Variants in EFNA5 observed in about 807,000 individuals in gnomAD.
EFNA5 encodes the protein ephrin A5.
A neutral mutation model predicts 22.9 loss-of-function variants in EFNA5; 5 were observed. The ratio of observed to expected loss-of-function variants is 0.22; its 90% CI spans 0.11 to 0.46. The LOEUF is 0.46. Among genes scored for constraint, EFNA5 ranks in the 20% least tolerant of loss-of-function variants. The pLI is 0.99. For synonymous variants in EFNA5, 113 were observed against 112.2 expected (o/e 1.01, Z -0.04); for missense variants, 237 against 293.3 (o/e 0.81, Z 1.40).
At chr5:107,468,818 G>C (rs1750062186) in intron 1 of EFNA5, among the ~76,000 whole-genome samples, 1 of 152,114 alleles carries the variant, frequency 6.6e-6, no homozygotes, top group African/African-American at 2.4e-5. Flanking sequence ...GGCCATACAG[G>C]TTATTTGGCA....
intron 1 of EFNA5, among the ~76,000 whole-genome samples, chr5:107,561,098 A>G (rs1288604437): frequency 6.6e-6 from 1 of 152,158 alleles, no homozygotes; most frequent in Non-Finnish European, 1.5e-5. Context: ...AGGTTCCCCA[A>G]ACTCTACCTC....
chr5:107,410,842 G>C (rs1408471240), intron 2 of EFNA5, among the ~76,000 whole-genome samples: 4 of 152,098 alleles, frequency 2.6e-5, no homozygotes, highest in African/African-American at 9.7e-5. Flanking sequence ...GATTAGAGTT[G>C]GGCAGTGGCA....
rs1200722286 is a variant in EFNA5 at position 107,559,310 on chromosome 5, CTT to C, written c.125+111177_125+111178del. Among the ~76,000 whole-genome samples the C allele has an allele frequency of 4.6e-5, 7 of 152,314 alleles. No individual in the cohort carries two copies. In the East Asian group the frequency reaches 1.3e-3, roughly 29 times the overall value. On this transcript the variant is annotated intron_variant, in intron 1 of 4. Coordinates refer to ENST00000333274, the MANE Select transcript of EFNA5 (RefSeq NM_001962.3). ...TATTTTCTGATCATTCGTTGTGACT[CTT>C]CTTCTTAAACCATCATTTGACTCTT... is the stretch of plus-strand genomic sequence containing the variant.
At chr5:107,629,867 G>A (rs1459738938) in intron 1 of EFNA5, among the ~76,000 whole-genome samples, 1 of 151,972 alleles carries the variant, frequency 6.6e-6, no homozygotes, top group Non-Finnish European at 1.5e-5. Context: ...GAACAGCCTG[G>A]CCAACATGGT....
intron 1 of EFNA5, among the ~76,000 whole-genome samples, chr5:107,608,912 G>A (rs1387829625): frequency 1.3e-5 from 2 of 152,178 alleles, no homozygotes; most frequent in Non-Finnish European, 2.9e-5. Flanking sequence ...GAGGGCTCTA[G>A]GCTTTTTCAT....
intron 2 of EFNA5, among the ~76,000 whole-genome samples, chr5:107,394,850 A>C (rs1030321550): frequency 6.6e-6 from 1 of 152,130 alleles, no homozygotes; most frequent in Admixed American, 6.6e-5. Context: ...TATTTATCTG[A>C]AGTATGAGCA....
intron 1 of EFNA5, among the ~76,000 whole-genome samples, chr5:107,460,421 C>T (rs1749806158): frequency 6.6e-6 from 1 of 152,154 alleles, no homozygotes; most frequent in East Asian, 1.9e-4. Context: ...AAAATGGATA[C>T]AGCACAAATT....
At chr5:107,406,333 G>T (rs1488869326) in intron 2 of EFNA5, among the ~76,000 whole-genome samples, 1 of 151,912 alleles carries the variant, frequency 6.6e-6, no homozygotes, top group Non-Finnish European at 1.5e-5. Flanking sequence ...TTCTGCACAT[G>T]TCTACGTTCC....
At chr5:107,636,665 CAAG>C (rs1943725408) in intron 1 of EFNA5, among the ~76,000 whole-genome samples, 1 of 152,268 alleles carries the variant, frequency 6.6e-6, no homozygotes, top group Non-Finnish European at 1.5e-5. Context: ...AGTTTTTCTT[CAAG>C]AAGATCAGAT....
intron 1 of EFNA5, among the ~76,000 whole-genome samples, chr5:107,527,012 G>GC (rs1160745143): frequency 6.6e-6 from 1 of 152,078 alleles, no homozygotes; most frequent in African/African-American, 2.4e-5. Context: ...GCCACAAAAT[G>GC]CCAGATTTTT....
intron 2 of EFNA5, among the ~76,000 whole-genome samples, chr5:107,404,985 C>G (rs1460649320): frequency 6.6e-6 from 1 of 152,160 alleles, no homozygotes; most frequent in African/African-American, 2.4e-5. Context: ...CTGTCGTACT[C>G]CTTTTTTAAA....
At chr5:107,541,234 G>A (rs1015118353) in intron 1 of EFNA5, among the ~76,000 whole-genome samples, 18 of 151,832 alleles carry the variant, frequency 1.2e-4, no homozygotes, top group South Asian at 2.1e-4. Flanking sequence ...TTATATTCAC[G>A]GTATGATTAT....
At chr5:107,540,126 C>A (rs935086222) in intron 1 of EFNA5, among the ~76,000 whole-genome samples, 1 of 151,452 alleles carries the variant, frequency 6.6e-6, no homozygotes, top group Non-Finnish European at 1.5e-5. Flanking sequence ...GGAGGCAAGG[C>A]TCTATCCTGG....
intron 1 of EFNA5, among the ~76,000 whole-genome samples, chr5:107,479,427 A>T (rs546468686): frequency 2.0e-5 from 3 of 152,194 alleles, no homozygotes; most frequent in Non-Finnish European, 4.4e-5. Flanking sequence ...GTTTGACACA[A>T]ATGCACTGAC....
intron 1 of EFNA5, among the ~76,000 whole-genome samples, chr5:107,573,803 G>A (rs1004113954): frequency 6.6e-6 from 1 of 152,152 alleles, no homozygotes; most frequent in Non-Finnish European, 1.5e-5. Context: ...AACAGTTTTA[G>A]AACGAACAAA....
intron 1 of EFNA5, among the ~76,000 whole-genome samples, chr5:107,517,501 A>G (rs778008217): frequency 2.0e-5 from 3 of 152,214 alleles, no homozygotes; most frequent in Non-Finnish European, 2.9e-5. Context: ...GTTGTTGTGA[A>G]TATTAAATTC....
At chr5:107,644,764 C>T (rs1001872462) in intron 1 of EFNA5, among the ~76,000 whole-genome samples, 4 of 152,224 alleles carry the variant, frequency 2.6e-5, no homozygotes, top group South Asian at 2.1e-4. Flanking sequence ...TGCAATGGTG[C>T]AATCTCGGCT....
intron 1 of EFNA5, among the ~76,000 whole-genome samples, chr5:107,592,115 T>A (rs1280880141): frequency 1.6e-5 from 2 of 128,632 alleles, no homozygotes; most frequent in African/African-American, 6.0e-5. Flanking sequence ...TTATATATAT[T>A]ATATATAGAA....
chr5:107,668,947 T>C (rs538002122), intron 1 of EFNA5, among the ~76,000 whole-genome samples: 2 of 152,152 alleles, frequency 1.3e-5, no homozygotes, highest in Non-Finnish European at 2.9e-5. Flanking sequence ...GAGACTCTTG[T>C]TTTTTGAACC....
Sources: allele counts gnomAD v4.1 joint callset (sites outside exome capture counted in the v4.1 genomes callset), GRCh38; gene constraint gnomAD v4.1.1; transcripts MANE v1.5; gene names NCBI Gene and HGNC (gene_info 2026-07-23, HGNC 2026-07-21).